The following ARNT2 variants were observed in gnomAD, a reference collection of about 807,000 sequenced individuals.
ARNT2 encodes aryl hydrocarbon receptor nuclear translocator 2, also known as ARNT protein 2.
In ARNT2, 36 loss-of-function variants were observed where a neutral mutation model predicts 91.7. That is an observed-to-expected ratio of 0.39 (90% CI 0.30 to 0.52). ARNT2 has a LOEUF of 0.52. Among genes scored for constraint, ARNT2 ranks in the 20% least tolerant of loss-of-function variants. The pLI, the probability that ARNT2 is intolerant of heterozygous loss-of-function variation, is 0.72. For synonymous variants in ARNT2, 365 were observed against 347.1 expected (o/e 1.05, Z -0.57); for missense variants, 775 against 939.3 (o/e 0.83, Z 2.29).
chr15:80,545,515 A>T (rs182353960), intron 8 of ARNT2, among the ~76,000 whole-genome samples: 1 of 152,312 alleles, frequency 6.6e-6, no homozygotes, highest in Non-Finnish European at 1.5e-5. Context: ...TCTAGGAGTG[A>T]TATAGACGAC....
intron 1 of ARNT2, chr15:80,434,027 T>A (rs540101606): frequency 1.3e-5 from 2 of 152,260 alleles, no homozygotes; most frequent in South Asian, 4.1e-4. Context: ...TCAAACAAGG[T>A]AGGGCAGATA....
At chr15:80,530,969 A>G (rs1486082024) in intron 8 of ARNT2, among the ~76,000 whole-genome samples, 1 of 152,132 alleles carries the variant, frequency 6.6e-6, no homozygotes, top group Non-Finnish European at 1.5e-5. Context: ...CAGTGATGAA[A>G]TCTCTTTATC....
At chr15:80,567,244 C>T (rs773793279) in intron 12 of ARNT2, among the ~76,000 whole-genome samples, 4 of 152,090 alleles carry the variant, frequency 2.6e-5, no homozygotes, top group African/African-American at 4.8e-5. Flanking sequence ...AGGTGCAGGG[C>T]GGTGAGAGCC....
rs569802716 is a variant in ARNT2 at position 80,521,547 on chromosome 15, CAAT to C, written c.877+7149_877+7151del. On this transcript the variant is annotated intron_variant, in intron 8 of 18. Coordinates refer to ENST00000303329, the MANE Select transcript of ARNT2 (RefSeq NM_014862.4). ...GTACATAAGGAGAAAGCAGCTATAG[CAAT>C]AATAATTGTTACAAATCAAGCTGCA... 1.4e-4 allele frequency among the ~76,000 whole-genome samples: 21 copies of C among 152,140 alleles called. No homozygotes were observed. The East Asian group carries it at 4.1e-3, about 29-fold the overall frequency.
chr15:80,558,818 G>T (rs1898255800), intron 11 of ARNT2, among the ~76,000 whole-genome samples: 1 of 152,218 alleles, frequency 6.6e-6, no homozygotes, highest in African/African-American at 2.4e-5. Context: ...CCATATGTTT[G>T]CTGACTATGT....
At position 80,595,851 on chromosome 15, in the gene ARNT2, G is replaced by A. The variant is rs1893366999; in HGVS notation, c.*2153G>A. The A allele has an allele frequency of 6.6e-6, 1 of 152,252 alleles. No individual in the cohort carries two copies. The highest frequency in any genetic ancestry group is 6.5e-5 in the Admixed American group (1 of 15,284). 9.4% of individuals were successfully genotyped at this position (152,252 alleles called of 1,614,324 possible). On this transcript the variant is annotated 3_prime_UTR_variant, in exon 19 of 19. Transcript: ENST00000303329. ...GGCCACCTCTGCCTCCAGCAGGCTT[G>A]AGCTTGCCCCAGGCCTTGGGCATAA...
intron 3 of ARNT2, among the ~76,000 whole-genome samples, chr15:80,462,833 C>T (rs1302941255): frequency 6.6e-6 from 1 of 152,240 alleles, no homozygotes; most frequent in African/African-American, 2.4e-5. Flanking sequence ...AAGATATTCA[C>T]GGTAGGAAAG....
At position 80,563,178 on chromosome 15, in the gene ARNT2, A is replaced by G; in HGVS notation, c.1255A>G (p.Thr419Ala). The G allele has an allele frequency of 6.2e-7, 1 of 1,614,218 alleles. No individual in the cohort carries two copies. Among genetic ancestry groups the G allele is most frequent in the Non-Finnish European group, 8.5e-7 (1 of 1,180,038 alleles). ...EWMLIRTSSF[T>A]FQNPYSDEIE... ...GATGTTGATCCGCACCAGCAGCTTC[A>G]CATTCCAGAATCCCTATTCTGATGA... The change falls in exon 12 of 19, where the codon ACA becomes GCA. Residue 419 changes from threonine to alanine, a missense_variant. By Grantham distance (58) the Thr-to-Ala change is moderately conservative. This residue lies in a region of ARNT2 where 285 missense variants were observed against 327.2 expected (regional missense o/e 0.87). Transcript: ENST00000303329.
Position 80,552,868 on chromosome 15 carries a change from T to C in ARNT2, c.1089+94T>C, listed in dbSNP as rs1211627279. ...CATTTGAGATACAACACAATGGCCATGTGGAGAAACATCATAAAGACCCAT... is the reference window on the plus strand; with the variant it reads ...CATTTGAGATACAACACAATGGCCACGTGGAGAAACATCATAAAGACCCAT... On this transcript the variant is annotated intron_variant, in intron 10 of 18. Coordinates refer to ENST00000303329, the MANE Select transcript of ARNT2 (RefSeq NM_014862.4). The C allele has an allele frequency of 4.1e-6, 6 of 1,479,508 alleles. No homozygotes were observed. In the African/African-American group the frequency reaches 4.2e-5, roughly 10 times the overall value. The allele number at this position is 1,479,508 out of a possible 1,614,324, so 91.6% of individuals were successfully genotyped here. A position where few individuals can be genotyped will look rare whatever the true frequency, so the allele number is the denominator to read the frequency against.
intron 8 of ARNT2, among the ~76,000 whole-genome samples, chr15:80,540,832 CT>C (rs946589111): frequency 6.6e-6 from 1 of 152,052 alleles, no homozygotes; most frequent in African/African-American, 2.4e-5. Flanking sequence ...TGATTTCATT[CT>C]TTTTTATGGC....
intron 1 of ARNT2, among the ~76,000 whole-genome samples, chr15:80,450,061 G>A (rs369722922): frequency 3.3e-5 from 5 of 152,302 alleles, no homozygotes; most frequent in Non-Finnish European, 7.3e-5. Context: ...GGAGCTCTCC[G>A]TTAAGTAGGA....
intron 5 of ARNT2, among the ~76,000 whole-genome samples, chr15:80,501,902 C>T (rs546271463): frequency 9.1e-4 from 138 of 152,332 alleles, no homozygotes; most frequent in Non-Finnish European, 5.3e-4. Flanking sequence ...CTGCCTTTTT[C>T]ATTTGAAATA....
At chr15:80,588,750 G>A (rs1418143650) in intron 17 of ARNT2, among the ~76,000 whole-genome samples, 4 of 152,030 alleles carry the variant, frequency 2.6e-5, no homozygotes, top group Admixed American at 2.0e-4. Flanking sequence ...TTCCCCTTCT[G>A]GTGTCATCTG....
At chr15:80,459,158 C>T (rs781478729) in intron 3 of ARNT2, among the ~76,000 whole-genome samples, 19 of 152,202 alleles carry the variant, frequency 1.2e-4, no homozygotes, top group African/African-American at 3.4e-4. Flanking sequence ...CATACACTTT[C>T]GTCCCCAAAA....
intron 11 of ARNT2, among the ~76,000 whole-genome samples, chr15:80,559,070 C>T (rs1898263191): frequency 1.3e-5 from 2 of 152,182 alleles, no homozygotes; most frequent in Non-Finnish European, 2.9e-5. Context: ...GGTTACAGAG[C>T]CCAGGCCTGT....
chr15:80,526,807 G>GC (rs1897647383), intron 8 of ARNT2, among the ~76,000 whole-genome samples: 1 of 152,236 alleles, frequency 6.6e-6, no homozygotes. Context: ...TCACCAGACA[G>GC]CTCAGTTTTG....
chr15:80,593,834 T>G lies in ARNT2; in HGVS notation c.*136T>G. 4 of 766,790 alleles carry G rather than the reference T, an allele frequency of 5.2e-6. No individual in the cohort carries two copies. The highest frequency in any genetic ancestry group is 6.3e-6 in the Non-Finnish European group (3 of 473,376). 47.5% of individuals were successfully genotyped at this position (766,790 alleles called of 1,614,324 possible). ...CAGAAGCCATCTCCCCCGCTGTGTGTCCCCAGGCGCATCATTGCTCCACTC... is the reference window on the plus strand; with the variant it reads ...CAGAAGCCATCTCCCCCGCTGTGTGGCCCCAGGCGCATCATTGCTCCACTC... On this transcript the variant is annotated 3_prime_UTR_variant, in exon 19 of 19. Transcript: ENST00000303329.
At chr15:80,587,880 A>C (rs1893205075) in intron 17 of ARNT2, among the ~76,000 whole-genome samples, 1 of 152,232 alleles carries the variant, frequency 6.6e-6, no homozygotes, top group Non-Finnish European at 1.5e-5. Flanking sequence ...CTGGAATTAG[A>C]CACGAAGTGG....
chr15:80,412,575 A>T (rs1330221166), intron 1 of ARNT2, among the ~76,000 whole-genome samples: 4 of 151,944 alleles, frequency 2.6e-5, no homozygotes, highest in Non-Finnish European at 5.9e-5. Context: ...TTTTCCCTTC[A>T]TTAATGGTAT....
Sources: allele counts gnomAD v4.1 joint callset (sites outside exome capture counted in the v4.1 genomes callset), GRCh38; gene constraint gnomAD v4.1.1; regional missense constraint gnomAD v4.1.1; transcripts MANE v1.5; gene names NCBI Gene and HGNC (gene_info 2026-07-23, HGNC 2026-07-21).